The following NRK variants were observed in gnomAD, a reference collection of about 807,000 sequenced individuals.
NRK encodes nik-related protein kinase.
A neutral mutation model predicts 125.2 loss-of-function variants in NRK; 67 were observed. The ratio of observed to expected loss-of-function variants is 0.54; its 90% CI spans 0.44 to 0.66. The LOEUF is 0.66. Among genes scored for constraint, NRK ranks in the 30% least tolerant of loss-of-function variants. The probability of loss-of-function intolerance (pLI) is 0.00; values close to 1 mark genes in which losing one functional copy is unlikely to be tolerated. For missense variants in NRK, 1,224 were observed against 1,192.9 expected (o/e 1.03, Z -0.38); for synonymous variants, 458 against 429.0 (o/e 1.07, Z -0.84).
chrX:105,923,620 A>G (rs907283672), intron 18 of NRK, 138 bp downstream of exon 18: 6 of 420,929 alleles, frequency 1.4e-5, no homozygotes, highest in South Asian at 1.0e-4. Context: ...TTGATTGTCA[A>G]TAATGTATTT....
At chrX:105,828,224 T>C (rs901918572) in intron 1 of NRK, among the ~76,000 whole-genome samples, 1 of 112,122 alleles carries the variant, frequency 8.9e-6, no homozygotes, top group African/African-American at 3.2e-5. Context: ...AATATATGAA[T>C]ACTAAGTTGA....
intron 5 of NRK, among the ~76,000 whole-genome samples, chrX:105,889,396 C>T (rs957957013): frequency 8.9e-6 from 1 of 111,932 alleles, no homozygotes; most frequent in Non-Finnish European, 1.9e-5. Flanking sequence ...GTGTCTGTGG[C>T]TTTTCCAGGC....
At chrX:105,869,051 G>C (rs1264527090) in intron 2 of NRK, among the ~76,000 whole-genome samples, 2 of 111,069 alleles carry the variant, frequency 1.8e-5, no homozygotes, top group East Asian at 2.9e-4. Flanking sequence ...TAAGATCTTT[G>C]CAATACATTA....
At chrX:105,894,940 G>A (rs1602647843) in intron 6 of NRK, among the ~76,000 whole-genome samples, 1 of 112,219 alleles carries the variant, frequency 8.9e-6, no homozygotes, top group Non-Finnish European at 1.9e-5. Context: ...ATGGGCTAGA[G>A]CCAAAGTGTT....
intron 23 of NRK, among the ~76,000 whole-genome samples, chrX:105,942,921 G>A (rs956308277): frequency 6.3e-5 from 7 of 111,239 alleles, no homozygotes; most frequent in South Asian, 3.8e-4. Flanking sequence ...CACTGTGCCC[G>A]GCCCATATAC....
intron 2 of NRK, among the ~76,000 whole-genome samples, chrX:105,879,519 A>G (rs1404218444): frequency 9.0e-6 from 1 of 111,120 alleles, no homozygotes; most frequent in Non-Finnish European, 1.9e-5. Context: ...TTAGGGTAAG[A>G]TCTAAGCTCT....
At chrX:105,846,326 A>G (rs985856411) in intron 2 of NRK, among the ~76,000 whole-genome samples, 36 of 111,468 alleles carry the variant, frequency 3.2e-4, no homozygotes, top group Middle Eastern at 4.6e-3. Flanking sequence ...GTACTGAGAA[A>G]TTTACCTTAA....
At chrX:105,892,643 G>T (rs2040029826) in intron 5 of NRK, among the ~76,000 whole-genome samples, 1 of 111,646 alleles carries the variant, frequency 9.0e-6, no homozygotes, top group African/African-American at 3.3e-5. Context: ...CAGTGTACAT[G>T]TTGTGCCCAT....
chrX:105,868,948 AAAACTC>A (rs1174788324), intron 2 of NRK, among the ~76,000 whole-genome samples: 1 of 110,782 alleles, frequency 9.0e-6, no homozygotes, highest in Non-Finnish European at 1.9e-5. Context: ...ATTAAATTTA[AAAACTC>A]AAGTTCGTAA....
chrX:105,839,389 GAGCTGA>G (rs2039303121), intron 2 of NRK, among the ~76,000 whole-genome samples: 1 of 111,218 alleles, frequency 9.0e-6, no homozygotes, highest in Non-Finnish European at 1.9e-5. Flanking sequence ...TCTGAAGCAG[GAGCTGA>G]AGCTGAAGCT....
chrX:105,901,500 C>T (rs1006195771), intron 9 of NRK, among the ~76,000 whole-genome samples: 2 of 111,476 alleles, frequency 1.8e-5, no homozygotes, highest in African/African-American at 6.5e-5. Flanking sequence ...TTGCTTTCCC[C>T]TCTCCAAAGC....
At chrX:105,822,335 G>A (rs2039031363), upstream of NRK, among the ~76,000 whole-genome samples, 1 of 111,034 alleles carries the variant, frequency 9.0e-6, no homozygotes, top group Non-Finnish European at 1.9e-5. Flanking sequence ...GGAGGGCCGG[G>A]GGAGGCCGCG....
intron 2 of NRK, among the ~76,000 whole-genome samples, chrX:105,879,309 T>C (rs1056203570): frequency 9.0e-6 from 1 of 110,748 alleles, no homozygotes; most frequent in Non-Finnish European, 1.9e-5. Flanking sequence ...TTCAACCAAG[T>C]ACAGCCCCCA....
At chrX:105,905,937 G>C (rs2040213717) in intron 10 of NRK, among the ~76,000 whole-genome samples, 2 of 111,988 alleles carry the variant, frequency 1.8e-5, no homozygotes, top group Admixed American at 1.9e-4. Flanking sequence ...GGCCACATCT[G>C]TTTTCATGGG....
chrX:105,918,211 A>T (rs2040391128), intron 16 of NRK, among the ~76,000 whole-genome samples: 1 of 111,579 alleles, frequency 9.0e-6, no homozygotes, highest in Non-Finnish European at 1.9e-5. Context: ...TTGTGATGTG[A>T]ATTTCAAAAA....
At chrX:105,934,501 G>A in intron 20 of NRK, 57 bp downstream of exon 20, 8 of 692,186 alleles carry the variant, frequency 1.2e-5, no homozygotes, top group Non-Finnish European at 1.7e-5. Flanking sequence ...ATTAAATAGT[G>A]TTTAACCACT....
At chrX:105,915,550 T>G (rs2040354407) in intron 14 of NRK, among the ~76,000 whole-genome samples, 180 bp from the exon 15 acceptor site, 1 of 111,191 alleles carries the variant, frequency 9.0e-6, no homozygotes, top group East Asian at 2.8e-4. Context: ...CATCAGAAAT[T>G]ATGGTTAAGC....
intron 27 of NRK, among the ~76,000 whole-genome samples, chrX:105,950,868 GC>G (rs1175995810): frequency 3.6e-5 from 4 of 110,059 alleles, no homozygotes; most frequent in Non-Finnish European, 7.6e-5. Context: ...AAATGAGAAG[GC>G]AGATGCTTCT....
At chrX:105,878,823 T>G (rs1344257801) in intron 2 of NRK, among the ~76,000 whole-genome samples, 3 of 111,784 alleles carry the variant, frequency 2.7e-5, no homozygotes, top group Non-Finnish European at 5.7e-5. Context: ...TCAAGCACAT[T>G]ACCTTGCTCA....
Sources: gnomAD v4.1 joint callset for allele counts (sites outside exome capture counted in the v4.1 genomes callset) on GRCh38, gnomAD v4.1.1 for gene constraint, MANE v1.5 for transcripts, NCBI Gene and HGNC (gene_info 2026-07-23, HGNC 2026-07-21) for gene names.